The following MAGI2 variants were observed in gnomAD, a reference collection of about 807,000 sequenced individuals.
MAGI2 encodes the protein membrane associated guanylate kinase, WW and PDZ domain containing 2.
In MAGI2, 35 loss-of-function variants were observed where a neutral mutation model predicts 133.3. The observed-to-expected ratio is 0.26, with a 90% CI of 0.20 to 0.35. The LOEUF (loss-of-function observed/expected upper bound fraction) is 0.35, where lower values mean the gene tolerates loss of function less well. Ranked by LOEUF, MAGI2 falls within the 10% of genes least tolerant of loss-of-function variation. The pLI is 1.00. For synonymous variants in MAGI2, 729 were observed against 710.6 expected (o/e 1.03, Z -0.41); for missense variants, 1,636 against 1,863.4 (o/e 0.88, Z 2.25).
chr7:78,137,405 G>A (rs1822268138), intron 16 of MAGI2, among the ~76,000 whole-genome samples: 1 of 152,214 alleles, frequency 6.6e-6, no homozygotes, highest in African/African-American at 2.4e-5. Flanking sequence ...AACAGTGCCT[G>A]ATGTGTGAGA....
intron 2 of MAGI2, among the ~76,000 whole-genome samples, chr7:78,839,804 C>G (rs980040478): frequency 3.3e-5 from 5 of 152,054 alleles, no homozygotes; most frequent in Non-Finnish European, 5.9e-5. Context: ...CAACTAAAAT[C>G]TATGAACCAA....
chr7:78,321,054 A>G (rs1787948666), intron 9 of MAGI2, among the ~76,000 whole-genome samples: 1 of 152,220 alleles, frequency 6.6e-6, no homozygotes, highest in Non-Finnish European at 1.5e-5. Context: ...TAGGAATCCA[A>G]CTTACAAGGG....
chr7:79,007,489 A>T (rs1420258564), intron 1 of MAGI2, among the ~76,000 whole-genome samples: 1 of 152,156 alleles, frequency 6.6e-6, no homozygotes, highest in African/African-American at 2.4e-5. Flanking sequence ...GTTACTCTTG[A>T]ATCATACTGA....
At chr7:78,766,670 T>G (rs1222996967) in intron 2 of MAGI2, among the ~76,000 whole-genome samples, 3 of 152,258 alleles carry the variant, frequency 2.0e-5, no homozygotes, top group African/African-American at 7.2e-5. Flanking sequence ...ACATGGTGAA[T>G]ATCACCTAAA....
At chr7:78,325,535 C>G (rs896683873) in intron 9 of MAGI2, among the ~76,000 whole-genome samples, 1 of 152,244 alleles carries the variant, frequency 6.6e-6, no homozygotes, top group Non-Finnish European at 1.5e-5. Flanking sequence ...TTCTCCACCC[C>G]TCTCTTCTAT....
At chr7:79,119,075 A>G (rs1169028851) in intron 1 of MAGI2, among the ~76,000 whole-genome samples, 1 of 152,110 alleles carries the variant, frequency 6.6e-6, no homozygotes, top group Non-Finnish European at 1.5e-5. Flanking sequence ...TATTTTCCCT[A>G]TAAAAATACA....
intron 6 of MAGI2, among the ~76,000 whole-genome samples, chr7:78,444,614 A>T (rs1787951282): frequency 6.6e-6 from 1 of 152,026 alleles, no homozygotes; most frequent in African/African-American, 2.4e-5. Context: ...TGCTGCTTCA[A>T]ATAAATGTTA....
intron 1 of MAGI2, among the ~76,000 whole-genome samples, chr7:79,280,448 T>C (rs1001844322): frequency 6.6e-6 from 1 of 152,098 alleles, no homozygotes; most frequent in Non-Finnish European, 1.5e-5. Context: ...AAAAAGTCCT[T>C]GTAAAGGGAA....
chr7:78,473,176 C>A (rs1157976436), intron 6 of MAGI2, among the ~76,000 whole-genome samples: 2 of 152,110 alleles, frequency 1.3e-5, no homozygotes, highest in East Asian at 3.9e-4. Flanking sequence ...GATCACAGAG[C>A]CCATAAAGTG....
intron 6 of MAGI2, among the ~76,000 whole-genome samples, chr7:78,437,339 A>G (rs1337988840): frequency 1.3e-5 from 2 of 152,182 alleles, no homozygotes; most frequent in African/African-American, 4.8e-5. Flanking sequence ...GACTCATAAA[A>G]GCATTTTGGA....
chr7:79,199,884 T>C (rs1828434258), intron 1 of MAGI2, among the ~76,000 whole-genome samples: 2 of 151,942 alleles, frequency 1.3e-5, no homozygotes, highest in African/African-American at 4.8e-5. Flanking sequence ...CTGGGGTGAC[T>C]GTGTACATTT....
intron 9 of MAGI2, among the ~76,000 whole-genome samples, chr7:78,289,685 A>C (rs1178245163): frequency 1.3e-5 from 2 of 152,220 alleles, no homozygotes; most frequent in Non-Finnish European, 2.9e-5. Flanking sequence ...TGAAGAAAAA[A>C]ATGTTAAGGG....
chr7:78,899,082 T>C (rs559400401), intron 2 of MAGI2, among the ~76,000 whole-genome samples: 1 of 152,246 alleles, frequency 6.6e-6, no homozygotes, highest in African/African-American at 2.4e-5. Context: ...AACTCTACCA[T>C]TTATAGCTAA....
intron 1 of MAGI2, among the ~76,000 whole-genome samples, chr7:79,229,777 T>C (rs191205813): frequency 4.3e-3 from 650 of 152,250 alleles, no homozygotes; most frequent in Admixed American, 8.2e-3. Context: ...ATTCTTTTTT[T>C]TTAAGTTTTT....
chr7:79,222,874 T>C (rs1830547972), intron 1 of MAGI2, among the ~76,000 whole-genome samples: 1 of 151,886 alleles, frequency 6.6e-6, no homozygotes, highest in South Asian at 2.1e-4. Flanking sequence ...TTTCTTTTTG[T>C]TTTTTTGTTT....
At chr7:79,009,861 A>G (rs1403035552) in intron 1 of MAGI2, among the ~76,000 whole-genome samples, 1 of 152,152 alleles carries the variant, frequency 6.6e-6, no homozygotes, top group Non-Finnish European at 1.5e-5. Context: ...GAGGTTAGAA[A>G]CAGCCTGCAT....
At chr7:78,259,133 A>C (rs888534648) in intron 9 of MAGI2, among the ~76,000 whole-genome samples, 2 of 152,220 alleles carry the variant, frequency 1.3e-5, no homozygotes, top group South Asian at 2.1e-4. Flanking sequence ...GCATCTTTTC[A>C]TGTTTATTGG....
At chr7:78,701,090 T>C (rs947032689) in intron 2 of MAGI2, among the ~76,000 whole-genome samples, 2 of 151,716 alleles carry the variant, frequency 1.3e-5, no homozygotes, top group African/African-American at 4.8e-5. Flanking sequence ...TAAAAATCCA[T>C]GTTGTCATTT....
intron 6 of MAGI2, among the ~76,000 whole-genome samples, chr7:78,403,595 A>C (rs1486809765): frequency 6.6e-6 from 1 of 152,114 alleles, no homozygotes; most frequent in Admixed American, 6.6e-5. Flanking sequence ...ACAATGGTTG[A>C]ACTAGTTTAC....
Sources: gnomAD v4.1 joint callset for allele counts (sites outside exome capture counted in the v4.1 genomes callset) on GRCh38, gnomAD v4.1.1 for gene constraint, MANE v1.5 for transcripts, NCBI Gene and HGNC (gene_info 2026-07-23, HGNC 2026-07-21) for gene names.